The following IDNK variants were observed in gnomAD, a reference collection of about 807,000 sequenced individuals.
IDNK encodes gluconokinase.
Under a neutral mutation model 13.0 loss-of-function variants are expected in IDNK, and 9 were observed. That is an observed-to-expected ratio of 0.69 (90% CI 0.42 to 1.21). The LOEUF (loss-of-function observed/expected upper bound fraction) is 1.21. Among genes scored for constraint, IDNK ranks in the 50% most tolerant of loss-of-function variants. The pLI is 0.00. For missense variants in IDNK, 210 were observed against 237.8 expected, an observed-to-expected ratio of 0.88 and a Z score of 0.77; for synonymous variants, 92 against 94.9, an observed-to-expected ratio of 0.97 and a Z score of 0.18.
chr9:83,631,639 T>C (rs1831019398), intron 3 of IDNK, among the ~76,000 whole-genome samples: 1 of 151,652 alleles, frequency 6.6e-6, no homozygotes, highest in South Asian at 2.1e-4. Context: ...TTAATTAAAA[T>C]AGATAAAATG....
chr9:83,628,949 T>C lies in IDNK; in HGVS notation c.158T>C (p.Leu53Pro). 6.2e-7 allele frequency: 1 copy of C among 1,612,988 alleles called. No homozygotes were observed. The highest frequency in any genetic ancestry group is 8.5e-7 in the Non-Finnish European group (1 of 1,178,930). The change falls in exon 3 of 5, where the codon CTC (leucine) becomes CCC (proline). Residue 53 changes from leucine to proline, a missense_variant. Transcript: ENST00000376419. ...NRRKMGKGIPLNDQDRIPWLC... is the reference protein window; with the variant it reads ...NRRKMGKGIPPNDQDRIPWLC... Reference sequence around the variant, plus strand: ...AGGAAGATGGGAAAAGGCATACCGCTCAATGACCAGGTAACAATTGCTGTC... The same window carrying C: ...AGGAAGATGGGAAAAGGCATACCGCCCAATGACCAGGTAACAATTGCTGTC...
At chr9:83,629,444 T>C (rs2811907) in intron 3 of IDNK, among the ~76,000 whole-genome samples, 69,079 of 152,024 alleles carry the variant, frequency 0.45, 16,405 homozygotes, top group Middle Eastern at 0.59. Context: ...ATACTTACAC[T>C]GCTAAGCATG....
At chr9:83,634,865 T>G (rs960109955) in intron 3 of IDNK, among the ~76,000 whole-genome samples, 11 of 152,230 alleles carry the variant, frequency 7.2e-5, no homozygotes, top group African/African-American at 2.7e-4. Context: ...GAAATTAATT[T>G]TTTTCTGTGT....
chr9:83,630,635 A>C (rs1354430401), intron 3 of IDNK, among the ~76,000 whole-genome samples: 1 of 152,268 alleles, frequency 6.6e-6, no homozygotes, highest in East Asian at 1.9e-4. Flanking sequence ...AATCATATAT[A>C]CATGCCAATA....
chr9:83,630,648 C>G (rs919367978), intron 3 of IDNK, among the ~76,000 whole-genome samples: 4 of 152,166 alleles, frequency 2.6e-5, no homozygotes, highest in Admixed American at 6.5e-5. Flanking sequence ...TGCCAATAAC[C>G]ATTTCTAAGG....
At chr9:83,643,300 A>G in intron 4 of IDNK, 129 bp from the exon 5 acceptor site, 2 of 700,550 alleles carry the variant, frequency 2.9e-6, no homozygotes, top group Middle Eastern at 2.6e-4. Context: ...CCTGATGCTT[A>G]AACACCATTT....
At position 83,623,640 on chromosome 9, in the gene IDNK, C is replaced by T. The variant is rs1162944887; in HGVS notation, c.50+419C>T. Reference sequence around the variant, plus strand: ...AACCACGGCCCAGGCTCTCACAGACCTTTGGCCATCTGGACACACAGCGGC... The same window carrying T: ...AACCACGGCCCAGGCTCTCACAGACTTTTGGCCATCTGGACACACAGCGGC... On this transcript the variant is annotated intron_variant, in intron 1 of 4. Transcript: ENST00000376419. 1.5e-5 allele frequency: 3 copies of T among 202,184 alleles called. No individual in the cohort carries two copies. In the Admixed American group the frequency reaches 1.9e-4, roughly 13 times the overall value. The allele number at this position is 202,184 out of a possible 1,614,324, so 12.5% of individuals were successfully genotyped here.
chr9:83,638,215 G>A (rs1831213500), intron 3 of IDNK, among the ~76,000 whole-genome samples: 1 of 152,120 alleles, frequency 6.6e-6, no homozygotes. Context: ...GTAAGATGTT[G>A]TTCTCCAAGA....
intron 1 of IDNK, chr9:83,623,639 C>T (rs1275922895): frequency 4.9e-6 from 1 of 203,152 alleles, no homozygotes; most frequent in Non-Finnish European, 1.0e-5. Flanking sequence ...CTCTCACAGA[C>T]CTTTGGCCAT....
At position 83,628,921 on chromosome 9, in the gene IDNK, C is replaced by T. The variant is rs752829789; in HGVS notation, c.130C>T (p.Arg44Ter). 9 of 1,613,920 alleles carry T rather than the reference C, an allele frequency of 5.6e-6. No homozygotes were observed. Among genetic ancestry groups the T allele is most frequent in the African/African-American group, 2.7e-5 (2 of 74,902 alleles). ...DADDYHPEEN[R>*]RKMGKGIPLN... ...TGATGATTATCACCCGGAGGAAAATCGAAGGAAGATGGGAAAAGGCATACC... is the reference window on the plus strand; with the variant it reads ...TGATGATTATCACCCGGAGGAAAATTGAAGGAAGATGGGAAAAGGCATACC... Residue 44 changes from arginine (R) to a stop codon, truncating the protein, a stop_gained, in exon 3 of 5, where the codon CGA (arginine) becomes TGA (stop). Transcript: ENST00000376419. LOFTEE classifies it high-confidence loss of function.
intron 1 of IDNK, chr9:83,623,635 C>A: frequency 9.2e-6 from 2 of 216,918 alleles, no homozygotes; most frequent in South Asian, 9.9e-5. Flanking sequence ...CAGGCTCTCA[C>A]AGACCTTTGG....
At chr9:83,641,095 A>G (rs1387305617) in intron 3 of IDNK, among the ~76,000 whole-genome samples, 2 of 152,190 alleles carry the variant, frequency 1.3e-5, no homozygotes, top group African/African-American at 4.8e-5. Flanking sequence ...GCAAAAATAT[A>G]AATTTCTTAA....
chr9:83,630,969 TAAG>T (rs1195109241), intron 3 of IDNK, among the ~76,000 whole-genome samples: 2 of 152,088 alleles, frequency 1.3e-5, no homozygotes, highest in Non-Finnish European at 2.9e-5. Context: ...AACAGAGAGA[TAAG>T]GAGGTAGAAC....
intron 1 of IDNK, among the ~76,000 whole-genome samples, chr9:83,624,776 C>T (rs889430462): frequency 6.6e-6 from 1 of 151,788 alleles, no homozygotes; most frequent in Admixed American, 6.6e-5. Context: ...TGCAGTGGTG[C>T]AATCTTGGCT....
At chr9:83,623,414 C>G (rs373239324) in intron 1 of IDNK, 193 bp downstream of exon 1, 11 of 592,858 alleles carry the variant, frequency 1.9e-5, no homozygotes, top group African/African-American at 4.0e-5. Flanking sequence ...GGGCGCCCAT[C>G]CTGGGACCGC....
intron 3 of IDNK, among the ~76,000 whole-genome samples, chr9:83,632,345 T>A (rs1831041202): frequency 6.6e-6 from 1 of 152,108 alleles, no homozygotes; most frequent in South Asian, 2.1e-4. Flanking sequence ...TCTAGCCTCA[T>A]GACATTCTGA....
At chr9:83,626,497 A>T in intron 1 of IDNK, 1 of 385,386 alleles carries the variant, frequency 2.6e-6, no homozygotes, top group Non-Finnish European at 5.3e-6. Flanking sequence ...GCTCACTGCA[A>T]CCTCTGCCTC....
In IDNK at chr9:83,623,165, T is replaced by C. The variant is rs1019388296; in HGVS notation, c.-7T>C. 1 of 1,419,464 alleles carries C rather than the reference T, an allele frequency of 7.0e-7. No individual in the cohort carries two copies. The highest frequency in any genetic ancestry group is 1.6e-5 in the South Asian group (1 of 64,160). 87.9% of individuals were successfully genotyped at this position (1,419,464 alleles called of 1,614,324 possible). A position where few individuals can be genotyped will look rare whatever the true frequency, so the allele number is the denominator to read the frequency against. The stretch of plus-strand genomic sequence containing the variant: ...GGAAGGCGACGGGAAGGAGCCGAGC[T>C]TGGGTTATGGCGGCGCCGGGCGCGC... On this transcript the variant is annotated 5_prime_UTR_variant, in exon 1 of 5. Transcript: ENST00000376419.
intron 4 of IDNK, 66 bp from the exon 5 acceptor site, chr9:83,643,363 G>C (rs1831366401): frequency 7.7e-7 from 1 of 1,297,424 alleles, no homozygotes; most frequent in Non-Finnish European, 1.1e-6. Flanking sequence ...AACTAGAATT[G>C]ACAGAGGTTA....
Sources: gnomAD v4.1 joint callset for allele counts (sites outside exome capture counted in the v4.1 genomes callset) on GRCh38, gnomAD v4.1.1 for gene constraint, MANE v1.5 for transcripts, NCBI Gene and HGNC (gene_info 2026-07-23, HGNC 2026-07-21) for gene names.